The following YES1 variants were observed in gnomAD, a reference collection of about 807,000 sequenced individuals.
The protein encoded by YES1 is tyrosine-protein kinase Yes.
Under a neutral mutation model 70.4 loss-of-function variants are expected in YES1, and 39 were observed. The observed-to-expected ratio is 0.55, with a 90% confidence interval of 0.43 to 0.72. The LOEUF is 0.72. Among genes scored for constraint, YES1 ranks in the 30% least tolerant of loss-of-function variants. The pLI, the probability that YES1 is intolerant of heterozygous loss-of-function variation, is 0.00. For synonymous variants in YES1, 198 were observed against 218.6 expected (o/e 0.91, Z 0.83); for missense variants, 495 against 644.8 (o/e 0.77, Z 2.52).
In YES1 at chr18:722,366, T is replaced by TG. The variant is rs146966353; in HGVS notation, c.*2057_*2058insC. The TG allele has an allele frequency of 0.13, 19,812 of 152,632 alleles. 1,396 individuals are homozygous for TG. Among genetic ancestry groups the TG allele is most frequent in the East Asian group, 0.28 (1,443 of 5,170 alleles). The allele number at this position is 152,632 out of a possible 1,614,324, so 9.5% of individuals were successfully genotyped here. A position where few individuals can be genotyped will look rare whatever the true frequency, so the allele number is the denominator to read the frequency against. On this transcript the variant is annotated 3_prime_UTR_variant, in exon 12 of 12. Transcript: ENST00000314574. ...ACTGCCAACTTGCATGAAGTCCATC[T>TG]TCACATTTTAAAAATGGTTTGAATT...
intron 6 of YES1, among the ~76,000 whole-genome samples, chr18:744,475 C>A (rs1025605506): frequency 6.6e-6 from 1 of 151,458 alleles, no homozygotes; most frequent in African/African-American, 2.4e-5. Context: ...CTGCAACTTC[C>A]ACCTCCCAGG....
chr18:799,107 G>C (rs150235774), intron 1 of YES1, among the ~76,000 whole-genome samples: 2 of 152,110 alleles, frequency 1.3e-5, no homozygotes, highest in African/African-American at 4.8e-5. Flanking sequence ...ACTGTAACCC[G>C]AATTAAGATA....
chr18:767,164 A>T (rs1421222813), intron 1 of YES1, among the ~76,000 whole-genome samples: 3 of 151,924 alleles, frequency 2.0e-5, no homozygotes, highest in South Asian at 2.1e-4. Context: ...TTCAAAAAAA[A>T]TTTTTTTTGA....
intron 11 of YES1, among the ~76,000 whole-genome samples, chr18:727,597 CTTG>C (rs1262429095): frequency 1.3e-4 from 19 of 151,690 alleles, no homozygotes; most frequent in Admixed American, 6.6e-5. Context: ...TTTGTCTTCT[CTTG>C]TTATTTTAGT....
intron 1 of YES1, among the ~76,000 whole-genome samples, chr18:770,455 T>C (rs893670513): frequency 6.6e-6 from 1 of 152,122 alleles, no homozygotes; most frequent in Non-Finnish European, 1.5e-5. Flanking sequence ...TTTTACTCCA[T>C]GTATGTTCAT....
chr18:808,991 A>G (rs1164534974), intron 1 of YES1, among the ~76,000 whole-genome samples: 2 of 152,196 alleles, frequency 1.3e-5, no homozygotes, highest in Non-Finnish European at 2.9e-5. Flanking sequence ...GTTCTAGAAA[A>G]CCGAAAATAG....
intron 11 of YES1, among the ~76,000 whole-genome samples, chr18:725,245 T>G (rs974799763): frequency 1.4e-4 from 22 of 151,992 alleles, no homozygotes; most frequent in Non-Finnish European, 4.4e-5. Flanking sequence ...TGCCTCCTTT[T>G]CCAAATTCTT....
chr18:766,666 T>C (rs1904924374), intron 1 of YES1, among the ~76,000 whole-genome samples: 1 of 152,142 alleles, frequency 6.6e-6, no homozygotes, highest in Non-Finnish European at 1.5e-5. Context: ...CCCTAATGAC[T>C]ACACCTTATT....
At chr18:726,820 C>G (rs1480849580) in intron 11 of YES1, among the ~76,000 whole-genome samples, 5 of 111,126 alleles carry the variant, frequency 4.5e-5, no homozygotes, top group African/African-American at 1.7e-4. Flanking sequence ...AAAAAATTCA[C>G]ATGGTAAATA....
At chr18:753,602 C>T (rs919953277) in intron 2 of YES1, among the ~76,000 whole-genome samples, 1 of 152,146 alleles carries the variant, frequency 6.6e-6, no homozygotes. Flanking sequence ...TCTCCTGCCT[C>T]AGCGTCCTGA....
chr18:784,511 T>C (rs879444122), intron 1 of YES1, among the ~76,000 whole-genome samples: 1 of 152,216 alleles, frequency 6.6e-6, no homozygotes, highest in African/African-American at 2.4e-5. Context: ...CTTAAAACAA[T>C]ACAAACGTAT....
intron 6 of YES1, among the ~76,000 whole-genome samples, chr18:744,689 C>CTTTTTTTTTT (rs71174284): frequency 1.8e-5 from 1 of 56,876 alleles, no homozygotes. Flanking sequence ...CACGCCTGGC[C>CTTTTTTTTTT]TTTTTTTTTT....
At chr18:758,502 G>A (rs1904406788) in intron 1 of YES1, among the ~76,000 whole-genome samples, 1 of 152,112 alleles carries the variant, frequency 6.6e-6, no homozygotes, top group South Asian at 2.1e-4. Flanking sequence ...TATGCCCTGT[G>A]CTTTCCCATT....
intron 1 of YES1, among the ~76,000 whole-genome samples, chr18:783,659 C>G (rs913714055): frequency 6.6e-6 from 1 of 151,362 alleles, no homozygotes; most frequent in Admixed American, 6.6e-5. Context: ...TCCTGTTGCC[C>G]AGGCTGGAGT....
rs1598898374 is a variant in YES1, at chr18:743,308, G to A, written c.832C>T (p.Arg278Ter). 1 of 1,612,170 alleles carries A rather than the reference G, an allele frequency of 6.2e-7. No homozygotes were observed. The highest frequency in any genetic ancestry group is 8.5e-7 in the Non-Finnish European group (1 of 1,179,958). The change falls in exon 7 of 12, where the codon CGA (arginine) becomes TGA (stop). Residue 278 changes from arginine (R) to a stop codon, truncating the protein, a stop_gained. Transcript: ENST00000314574. LOFTEE classifies it high-confidence loss of function. Reference protein sequence around the residue: ...DAWEIPRESLRLEVKLGQGCF... With the variant: ...DAWEIPRESL ...CCTTGTCCTAGTTTAACCTCTAGTC[G>A]CAAAGATTCTCGAGGGATTTCCCAA...
chr18:749,729 G>A (rs893265094), intron 3 of YES1, among the ~76,000 whole-genome samples: 110 of 151,582 alleles, frequency 7.3e-4, no homozygotes, highest in Non-Finnish European at 1.3e-3. Flanking sequence ...ACGTGGTGGC[G>A]GGCGCCTGTA....
At chr18:781,226 G>A (rs1032878299) in intron 1 of YES1, among the ~76,000 whole-genome samples, 7 of 146,134 alleles carry the variant, frequency 4.8e-5, no homozygotes, top group Middle Eastern at 3.5e-3. Context: ...CCGAGATCGC[G>A]CCATTGCACT....
rs529647749 is a variant in YES1 at position 736,949 on chromosome 18, T to A, written c.1150A>T (p.Met384Leu). The change falls in exon 10 of 12, where the codon ATG (methionine) becomes TTG (leucine). Residue 384 changes from methionine (M) to leucine (L), a missense_variant. Coordinates refer to ENST00000314574, the MANE Select transcript of YES1 (RefSeq NM_005433.4). ...TAGTTCATTCTTTCAATATATGCCATACCATCAGCAATCTTGGAAAGAGAA... is the reference window on the plus strand; with the variant it reads ...TAGTTCATTCTTTCAATATATGCCAAACCATCAGCAATCTTGGAAAGAGAA... ...VDMAAQIADG[M>L]AYIERMNYIH... is the part of the protein sequence containing the mutation. 1 of 1,607,160 alleles carries A rather than the reference T, an allele frequency of 6.2e-7. No homozygotes were observed. The highest frequency in any genetic ancestry group is 1.3e-5 in the African/African-American group (1 of 74,878).
chr18:789,982 A>G (rs1345393921), intron 1 of YES1, among the ~76,000 whole-genome samples: 1 of 150,144 alleles, frequency 6.7e-6, no homozygotes, highest in African/African-American at 2.5e-5. Flanking sequence ...TGCTTGAACC[A>G]GGGAGGTTGA....
Sources: gnomAD v4.1 joint callset for allele counts (sites outside exome capture counted in the v4.1 genomes callset) on GRCh38, gnomAD v4.1.1 for gene constraint, MANE v1.5 for transcripts, NCBI Gene and HGNC (gene_info 2026-07-23, HGNC 2026-07-21) for gene names.